CHD1L: variants seen among roughly 807,000 people sequenced by gnomAD.
CHD1L encodes ATP-dependent chromatin remodeler CHD1L.
A neutral mutation model predicts 115.9 loss-of-function variants in CHD1L; 118 were observed. The observed-to-expected ratio is 1.02, with a 90% CI of 0.88 to 1.19. The LOEUF (loss-of-function observed/expected upper bound fraction) is 1.19, where lower values mean the gene tolerates loss of function less well. CHD1L is among the 50% of genes most tolerant of loss of function. CHD1L has a pLI of 0.00. For missense variants in CHD1L, 1,179 were observed against 1,065.3 expected, an observed-to-expected ratio of 1.11 and a Z score of -1.49; for synonymous variants, 411 against 387.1, an observed-to-expected ratio of 1.06 and a Z score of -0.72.
At chr1:147,283,199 T>TA (rs1455028762) in intron 15 of CHD1L, among the ~76,000 whole-genome samples, 1 of 152,164 alleles carries the variant, frequency 6.6e-6, no homozygotes, top group Non-Finnish European at 1.5e-5. Context: ...TACTTGTTGA[T>TA]AGAGTGCCTC....
chr1:147,260,931 C>T (rs587597671), intron 6 of CHD1L: 1 of 152,214 alleles, frequency 6.6e-6, no homozygotes, highest in African/African-American at 2.4e-5. Flanking sequence ...TTGATGAGAC[C>T]ACATATGTTA....
the CHD1L span, among the ~76,000 whole-genome samples, chr1:147,190,613 A>G: frequency 2.0e-5 from 3 of 152,186 alleles, no homozygotes; most frequent in Admixed American, 1.3e-4. Context: ...GGGAAAACAC[A>G]GCTGCACCTG....
chr1:147,268,903 G>T, intron 10 of CHD1L, 25 bp downstream of exon 10: 1 of 1,551,958 alleles, frequency 6.4e-7, no homozygotes, highest in African/African-American at 1.4e-5. Context: ...CACATTTGCT[G>T]CTCTGAGCTA....
chr1:147,241,124 A>G (rs1361436234), upstream of CHD1L, among the ~76,000 whole-genome samples: 1 of 152,112 alleles, frequency 6.6e-6, no homozygotes, highest in Non-Finnish European at 1.5e-5. Flanking sequence ...GATCCAGGAG[A>G]TAAGTGGCCT....
chr1:147,209,085 C>T, the CHD1L span: 2 of 1,585,288 alleles, frequency 1.3e-6, no homozygotes, highest in East Asian at 2.2e-5. Flanking sequence ...GCTTTTGTCA[C>T]TCAGATTCGT....
chr1:147,269,071 G>A (rs945368090), intron 10 of CHD1L, among the ~76,000 whole-genome samples, 193 bp downstream of exon 10: 6 of 151,594 alleles, frequency 4.0e-5, no homozygotes, highest in East Asian at 1.9e-4. Flanking sequence ...TCATTCTTTC[G>A]TTTCCTGAAT....
At chr1:147,261,814 GA>G (rs1672036916) in intron 6 of CHD1L, among the ~76,000 whole-genome samples, 1 of 152,128 alleles carries the variant, frequency 6.6e-6, no homozygotes, top group African/African-American at 2.4e-5. Context: ...TAGTTGGAAA[GA>G]AAATACATGT....
chr1:147,237,877 G>A (rs1249104531), upstream of CHD1L, among the ~76,000 whole-genome samples: 8 of 152,166 alleles, frequency 5.3e-5, no homozygotes, highest in Admixed American at 2.0e-4. Context: ...CAAAAAGACC[G>A]TGGGCAAATT....
chr1:147,275,981 C>A, intron 13 of CHD1L, 123 bp from the exon 14 acceptor site: 1 of 937,392 alleles, frequency 1.1e-6, no homozygotes, highest in East Asian at 2.4e-5. Context: ...AACCAATCTC[C>A]CTTTCATTGT....
At chr1:147,232,958 C>G in the CHD1L span, among the ~76,000 whole-genome samples, 1 of 152,064 alleles carries the variant, frequency 6.6e-6, no homozygotes, top group Non-Finnish European at 1.5e-5. Flanking sequence ...GCCTGGCCAC[C>G]CATCGTCTGG....
the CHD1L span, chr1:147,184,754 C>A: frequency 8.4e-7 from 1 of 1,185,780 alleles, no homozygotes; most frequent in East Asian, 3.0e-5. This position sits in a 1 kb window ranked among gnomAD's most constrained non-coding sequence, Gnocchi z 4.4. Context: ...ATAACCTAGC[C>A]GAGATAGTGT....
the CHD1L span, among the ~76,000 whole-genome samples, chr1:147,181,085 T>C: frequency 6.6e-6 from 1 of 152,178 alleles, no homozygotes; most frequent in African/African-American, 2.4e-5. Context: ...ACCTAAAAAA[T>C]AAACAATTAA....
chr1:147,234,967 A>G, the CHD1L span, among the ~76,000 whole-genome samples: 1 of 152,180 alleles, frequency 6.6e-6, no homozygotes, highest in Non-Finnish European at 1.5e-5. Flanking sequence ...GAAGCACTGC[A>G]AGTCACATGA....
At chr1:147,179,556 C>G in the CHD1L span, 1 of 1,582,248 alleles carries the variant, frequency 6.3e-7, no homozygotes, top group Admixed American at 1.7e-5. Flanking sequence ...CTATCTACAA[C>G]GAGAAGCTAC....
At position 147,291,522 on chromosome 1, in the gene CHD1L, T is replaced by C. The variant is rs1553970515; in HGVS notation, c.2361T>C (p.Asp787=). Residue 787 remains aspartate, a synonymous_variant, in exon 20 of 23, where the codon GAT becomes GAC. Coordinates refer to ENST00000369258, the MANE Select transcript of CHD1L (RefSeq NM_004284.6). ...LGGVLLFPVD[D]KESRNKGQDL... The stretch of plus-strand genomic sequence containing the variant: ...GTGTCCTTTTATTTCCTGTTGATGA[T>C]AAAGAATCAAGAAACAAAGGGCAAG... The C allele has an allele frequency of 6.2e-7, 1 of 1,613,974 alleles. No homozygotes were observed. The highest frequency in any genetic ancestry group is 1.1e-5 in the South Asian group (1 of 91,072).
At chr1:147,272,104 A>T in intron 11 of CHD1L, 67 bp from the exon 12 acceptor site, 3 of 1,398,460 alleles carry the variant, frequency 2.1e-6, no homozygotes, top group African/African-American at 1.4e-5. Flanking sequence ...TTTTGGGCTT[A>T]ATTTTTTATT....
chr1:147,173,659 T>G, the CHD1L span: 1 of 152,186 alleles, frequency 6.6e-6, no homozygotes, highest in Non-Finnish European at 1.5e-5. Context: ...ATTATAAGTA[T>G]TTGCATGTCT....
intron 6 of CHD1L, among the ~76,000 whole-genome samples, chr1:147,261,379 G>A (rs1671856918): frequency 6.8e-6 from 1 of 147,722 alleles, no homozygotes; most frequent in Admixed American, 6.9e-5. Flanking sequence ...AGAAGAGCAA[G>A]CTATCCAAAT....
In CHD1L at chr1:147,243,135, C is replaced by T. The variant is rs587685859; in HGVS notation, c.127+305C>T. On this transcript the variant is annotated intron_variant, in intron 1 of 22. Transcript: ENST00000369258. Reference sequence around the variant, plus strand: ...GATCAGCGCCACCTGCAGGCCTCCGCTGAAGAGTTGGACGGCCTGGTGCAC... The same window carrying T: ...GATCAGCGCCACCTGCAGGCCTCCGTTGAAGAGTTGGACGGCCTGGTGCAC... 1.7e-5 allele frequency: 4 copies of T among 241,932 alleles called. No homozygotes were observed. The East Asian group carries it at 2.4e-4, about 14-fold the overall frequency. The allele number at this position is 241,932 out of a possible 1,614,324, so 15.0% of individuals were successfully genotyped here. A position where few individuals can be genotyped will look rare whatever the true frequency, so the allele number is the denominator to read the frequency against.
Sources: allele counts gnomAD v4.1 joint callset (sites outside exome capture counted in the v4.1 genomes callset), GRCh38; gene constraint gnomAD v4.1.1; non-coding constraint Gnocchi (gnomAD v3.1); transcripts MANE v1.5; gene names NCBI Gene and HGNC (gene_info 2026-07-23, HGNC 2026-07-21).